The following TXNRD3 variants were observed in gnomAD, a reference collection of about 807,000 sequenced individuals.
The protein encoded by TXNRD3 is TXNRD3 neighbor gene protein.
In TXNRD3, 68 loss-of-function variants were observed where a neutral mutation model predicts 78.2. The ratio of observed to expected loss-of-function variants is 0.87; its 90% CI spans 0.72 to 1.06. TXNRD3 has a LOEUF of 1.06. Among genes scored for constraint, TXNRD3 ranks in the 50% least tolerant of loss-of-function variants. TXNRD3 has a pLI of 0.00. For missense variants in TXNRD3, 751 were observed against 809.5 expected, an observed-to-expected ratio of 0.93 and a Z score of 0.88; for synonymous variants, 296 against 300.1, an observed-to-expected ratio of 0.99 and a Z score of 0.14.
At chr3:126,647,838 C>G (rs1430388670) in intron 1 of TXNRD3, among the ~76,000 whole-genome samples, 2 of 151,952 alleles carry the variant, frequency 1.3e-5, no homozygotes, top group Admixed American at 1.3e-4. Flanking sequence ...ACCCTGTCCC[C>G]CTCCAAAAAA....
At position 126,630,707 on chromosome 3, in the gene TXNRD3, C is replaced by A; in HGVS notation, c.1197+5G>T. ...AAAAAAATTGCAAATGCCATGCAGCCTTACCATCACAGGTATGAATTTCCG... is the reference window on the plus strand; with the variant it reads ...AAAAAAATTGCAAATGCCATGCAGCATTACCATCACAGGTATGAATTTCCG... On this transcript the variant is annotated splice_donor_5th_base_variant and intron_variant, in intron 9 of 15. Transcript: ENST00000524230. 6.5e-7 allele frequency: 1 copy of A among 1,534,092 alleles called. No individual in the cohort carries two copies. The highest frequency in any genetic ancestry group is 1.2e-5 in the South Asian group (1 of 83,960).
At chr3:126,631,487 T>G (rs1938712988) in intron 8 of TXNRD3, among the ~76,000 whole-genome samples, 1 of 152,158 alleles carries the variant, frequency 6.6e-6, no homozygotes, top group African/African-American at 2.4e-5. Flanking sequence ...TTCTTTGTTT[T>G]GGCCTGTAAG....
chr3:126,654,552 T>C (rs1933462973), intron 1 of TXNRD3, among the ~76,000 whole-genome samples, 196 bp downstream of exon 1: 1 of 152,058 alleles, frequency 6.6e-6, no homozygotes, highest in Non-Finnish European at 1.5e-5. Flanking sequence ...GTCACGCAAT[T>C]AGGAGAGTTT....
At chr3:126,618,195 A>C (rs1022729625) in intron 12 of TXNRD3, among the ~76,000 whole-genome samples, 1 of 152,214 alleles carries the variant, frequency 6.6e-6, no homozygotes, top group African/African-American at 2.4e-5. Flanking sequence ...TACCAATCAC[A>C]TTCTTCACAG....
intron 6 of TXNRD3, among the ~76,000 whole-genome samples, chr3:126,636,837 C>T (rs914870410): frequency 1.3e-5 from 2 of 152,282 alleles, no homozygotes; most frequent in African/African-American, 2.4e-5. Context: ...CAACCTGTGG[C>T]CCATGGGCTG....
At chr3:126,631,298 A>G (rs1227562913) in intron 8 of TXNRD3, among the ~76,000 whole-genome samples, 3 of 152,044 alleles carry the variant, frequency 2.0e-5, no homozygotes, top group Non-Finnish European at 4.4e-5. Context: ...TGCAACAAAA[A>G]ATGTATTTCT....
chr3:126,611,956 T>A (rs1050470778), intron 13 of TXNRD3, among the ~76,000 whole-genome samples: 2 of 152,200 alleles, frequency 1.3e-5, no homozygotes, highest in African/African-American at 4.8e-5. Flanking sequence ...CAATATACAG[T>A]TACTTGTAGC....
At chr3:126,617,334 C>T (rs1002925651) in intron 12 of TXNRD3, among the ~76,000 whole-genome samples, 1 of 152,108 alleles carries the variant, frequency 6.6e-6, no homozygotes, top group African/African-American at 2.4e-5. Context: ...ACTGCTCTGC[C>T]GACATACACC....
chr3:126,653,052 T>C (rs1933427902), intron 1 of TXNRD3, among the ~76,000 whole-genome samples: 1 of 152,238 alleles, frequency 6.6e-6, no homozygotes, highest in Non-Finnish European at 1.5e-5. Context: ...ATTGGGTAAA[T>C]AATTTTCTTC....
Position 126,650,631 on chromosome 3 carries a change from A to G in TXNRD3, c.244-3335T>C, listed in dbSNP as rs1933366217. ...ACTCCAGCCTGGGCAACAGAGCAAG[A>G]CCCCATCTCAGAAAAAAAAAAAAGA... On this transcript the variant is annotated intron_variant, in intron 1 of 15. Coordinates refer to ENST00000524230, the MANE Select transcript of TXNRD3 (RefSeq NM_052883.3). Among the ~76,000 whole-genome samples the G allele has an allele frequency of 2.7e-5, 4 of 150,682 alleles. No homozygotes were observed. In the South Asian group the frequency reaches 8.4e-4, roughly 32 times the overall value.
chr3:126,607,401 T>G lies in TXNRD3; in HGVS notation c.*504A>C, dbSNP rs1370783737. 1 of 152,358 alleles carries G rather than the reference T, an allele frequency of 6.6e-6. No individual in the cohort carries two copies. Among genetic ancestry groups the G allele is most frequent in the East Asian group, 1.9e-4 (1 of 5,202 alleles). The allele number at this position is 152,358 out of a possible 1,614,324, so 9.4% of individuals were successfully genotyped here. A position where few individuals can be genotyped will look rare whatever the true frequency, so the allele number is the denominator to read the frequency against. On this transcript the variant is annotated 3_prime_UTR_variant, in exon 16 of 16. Coordinates refer to ENST00000524230, the MANE Select transcript of TXNRD3 (RefSeq NM_052883.3). ...ACAGCTTCCTGCTAATGCAGACAGC[T>G]ATCCAAATGCAGCCCACAGCAGCCC...
chr3:126,641,140 C>T (rs563170886), intron 6 of TXNRD3, among the ~76,000 whole-genome samples: 24 of 152,246 alleles, frequency 1.6e-4, no homozygotes, highest in Non-Finnish European at 2.6e-4. Context: ...CTCATTTTTG[C>T]GTAGGAAACA....
At chr3:126,616,684 T>C (rs1201624165) in intron 12 of TXNRD3, among the ~76,000 whole-genome samples, 1 of 152,150 alleles carries the variant, frequency 6.6e-6, no homozygotes, top group Non-Finnish European at 1.5e-5. Context: ...TCTGTGATTC[T>C]ACCTATTAAT....
intron 14 of TXNRD3, among the ~76,000 whole-genome samples, chr3:126,609,588 G>C (rs540969952): frequency 6.6e-6 from 1 of 152,144 alleles, no homozygotes; most frequent in Non-Finnish European, 1.5e-5. Flanking sequence ...TTTCCATTTC[G>C]TAAGTTCGAG....
chr3:126,655,073 G>T lies in TXNRD3; in HGVS notation c.-83C>A. ...CTGCGGCGCCGGGACGGGGCCTGAG[G>T]GGCGGCGAACGCTGCCCTCGCTGGC... On this transcript the variant is annotated 5_prime_UTR_variant, in exon 1 of 16. Coordinates refer to ENST00000524230, the MANE Select transcript of TXNRD3 (RefSeq NM_052883.3). The T allele has an allele frequency of 7.7e-7, 1 of 1,298,266 alleles. No homozygotes were observed. Among genetic ancestry groups the T allele is most frequent in the South Asian group, 2.1e-5 (1 of 46,602 alleles). 80.4% of individuals were successfully genotyped at this position (1,298,266 alleles called of 1,614,324 possible). A position where few individuals can be genotyped will look rare whatever the true frequency, so the allele number is the denominator to read the frequency against.
intron 2 of TXNRD3, 47 bp downstream of exon 2, chr3:126,647,189 G>A (rs968537157): frequency 5.1e-6 from 7 of 1,369,250 alleles, no homozygotes; most frequent in Middle Eastern, 2.2e-4. Flanking sequence ...AGTCAATCTC[G>A]CTGGCATTTA....
At chr3:126,615,550 T>A (rs1005347545) in intron 12 of TXNRD3, 88 bp from the exon 13 acceptor site, 1 of 580,942 alleles carries the variant, frequency 1.7e-6, no homozygotes, top group African/African-American at 1.9e-5. Flanking sequence ...AGAAAATAAA[T>A]CAGTCCAGTT....
chr3:126,618,486 G>T (rs998842300), intron 12 of TXNRD3, among the ~76,000 whole-genome samples: 2 of 152,130 alleles, frequency 1.3e-5, no homozygotes, highest in Admixed American at 1.3e-4. Flanking sequence ...ATCATATTTA[G>T]TGAATGGTAG....
intron 3 of TXNRD3, among the ~76,000 whole-genome samples, chr3:126,645,559 C>T (rs569934635): frequency 6.6e-6 from 1 of 152,266 alleles, no homozygotes; most frequent in African/African-American, 2.4e-5. Context: ...ACTGATTACT[C>T]ATATTGTATA....
Sources: allele counts gnomAD v4.1 joint callset (sites outside exome capture counted in the v4.1 genomes callset), GRCh38; gene constraint gnomAD v4.1.1; transcripts MANE v1.5; gene names NCBI Gene and HGNC (gene_info 2026-07-23, HGNC 2026-07-21).